The following CNTN6 variants were observed in gnomAD, a reference collection of about 807,000 sequenced individuals.
CNTN6 encodes contactin-6.
In CNTN6, 137 loss-of-function variants were observed where a neutral mutation model predicts 122.8. The observed-to-expected ratio is 1.12, with a 90% confidence interval of 0.97 to 1.29. The LOEUF (loss-of-function observed/expected upper bound fraction) is 1.29, where lower values mean the gene tolerates loss of function less well. CNTN6 is among the 50% of genes most tolerant of loss of function. The pLI is 0.00. For missense variants in CNTN6, 1,634 were observed against 1,223.4 expected (o/e 1.34, Z -5.01); for synonymous variants, 570 against 426.0 (o/e 1.34, Z -4.16).
At chr3:1,287,654 G>C (rs1694578295) in intron 5 of CNTN6, among the ~76,000 whole-genome samples, 1 of 151,416 alleles carries the variant, frequency 6.6e-6, no homozygotes, top group African/African-American at 2.5e-5. Flanking sequence ...AAAGAAGCCA[G>C]CCAAAACCCA....
rs374764472 is a variant in CNTN6, at chr3:1,117,163, A to G, written c.-83+24043A>G. Among the ~76,000 whole-genome samples, 200 of 152,286 alleles carry G rather than the reference A, an allele frequency of 1.3e-3. 5 individuals are homozygous for G. The South Asian group carries it at 0.028, about 21-fold the overall frequency. ...GATTTATATTGCCTTTGTTGTTCTC[A>G]GGTTTATTTGGCTTCTTAAACACAC... On this transcript the variant is annotated intron_variant, in intron 1 of 22. Transcript: ENST00000446702.
At chr3:1,220,265 G>T (rs1260634345) in intron 2 of CNTN6, among the ~76,000 whole-genome samples, 1 of 152,136 alleles carries the variant, frequency 6.6e-6, no homozygotes, top group African/African-American at 2.4e-5. Flanking sequence ...GAGCCCAGGA[G>T]TTAGAGGCTT....
At chr3:1,304,049 C>G (rs1414998978) in intron 7 of CNTN6, among the ~76,000 whole-genome samples, 1 of 152,186 alleles carries the variant, frequency 6.6e-6, no homozygotes, top group South Asian at 2.1e-4. Context: ...TAATGCCATT[C>G]TTTCTAACAC....
chr3:1,283,447 G>A (rs950381253), intron 5 of CNTN6, among the ~76,000 whole-genome samples: 1 of 152,108 alleles, frequency 6.6e-6, no homozygotes, highest in Non-Finnish European at 1.5e-5. Context: ...CAACAGAGCT[G>A]AAGGCAGAAT....
intron 7 of CNTN6, among the ~76,000 whole-genome samples, chr3:1,319,482 T>G (rs1018246930): frequency 6.6e-6 from 1 of 151,688 alleles, no homozygotes; most frequent in Non-Finnish European, 1.5e-5. Context: ...TTATTACAAT[T>G]ATCATAATTG....
chr3:1,374,125 C>T, intron 16 of CNTN6, 52 bp downstream of exon 16: 1 of 1,517,228 alleles, frequency 6.6e-7, no homozygotes, highest in Non-Finnish European at 8.9e-7. Flanking sequence ...TGATACAGTT[C>T]TTAAAACAAA....
intron 7 of CNTN6, among the ~76,000 whole-genome samples, chr3:1,302,116 T>C (rs1697535890): frequency 6.6e-6 from 1 of 152,188 alleles, no homozygotes; most frequent in African/African-American, 2.4e-5. Flanking sequence ...AAACGTCTTA[T>C]CTTCAAAATT....
At chr3:1,166,400 A>G (rs142089796) in intron 2 of CNTN6, among the ~76,000 whole-genome samples, 1 of 152,170 alleles carries the variant, frequency 6.6e-6, no homozygotes, top group African/African-American at 2.4e-5. Flanking sequence ...GCCAAACACA[A>G]GGCAATTTCT....
chr3:1,262,654 A>C (rs1012248729), intron 4 of CNTN6, among the ~76,000 whole-genome samples: 4 of 152,182 alleles, frequency 2.6e-5, no homozygotes, highest in African/African-American at 7.2e-5. Context: ...TTGGTCGTTT[A>C]GGCCTTATGG....
At chr3:1,212,539 A>T (rs2094060489) in intron 2 of CNTN6, among the ~76,000 whole-genome samples, 1 of 151,586 alleles carries the variant, frequency 6.6e-6, no homozygotes, top group Non-Finnish European at 1.5e-5. Context: ...ATATATACAC[A>T]CACACATATA....
intron 4 of CNTN6, among the ~76,000 whole-genome samples, chr3:1,266,216 C>A (rs76180124): frequency 6.6e-6 from 1 of 152,042 alleles, no homozygotes; most frequent in Non-Finnish European, 1.5e-5. Context: ...TTTATCTAAA[C>A]CATAATGCAT....
Position 1,383,504 on chromosome 3 carries a change from CAT to C in CNTN6, c.2517+99_2517+100del. 3.3e-6 allele frequency: 3 copies of C among 903,156 alleles called. No homozygotes were observed. In the South Asian group the frequency reaches 4.4e-5, roughly 13 times the overall value. 55.9% of individuals were successfully genotyped at this position (903,156 alleles called of 1,614,324 possible). On this transcript the variant is annotated intron_variant, in intron 19 of 22. Coordinates refer to ENST00000446702, the MANE Select transcript of CNTN6 (RefSeq NM_001289080.2). ...TCCTATCCTACTAGCCTGTTGTTAG[CAT>C]ATGATAATGTGTGTCTAAAGCTAAA...
intron 1 of CNTN6, among the ~76,000 whole-genome samples, chr3:1,142,242 A>G (rs976998451): frequency 6.6e-6 from 1 of 151,630 alleles, no homozygotes; most frequent in Non-Finnish European, 1.5e-5. Context: ...GATTATTCTG[A>G]ACCAAACAAA....
intron 4 of CNTN6, among the ~76,000 whole-genome samples, chr3:1,248,020 C>A (rs9883961): frequency 0.68 from 103,451 of 151,920 alleles, 36,424 homozygotes; most frequent in East Asian, 0.91. Context: ...AGTGAATCTA[C>A]TGCTTATTTT....
chr3:1,300,444 C>A (rs1697014981), intron 7 of CNTN6, among the ~76,000 whole-genome samples: 1 of 112,748 alleles, frequency 8.9e-6, no homozygotes, highest in African/African-American at 3.3e-5. Context: ...CAATTAGGGT[C>A]AGTTCAGGAA....
At chr3:1,156,043 C>G (rs1197642601) in intron 2 of CNTN6, among the ~76,000 whole-genome samples, 1 of 152,198 alleles carries the variant, frequency 6.6e-6, no homozygotes, top group African/African-American at 2.4e-5. Context: ...CCAATTAATT[C>G]AATTCTACCT....
chr3:1,222,550 T>C (rs937048621), intron 3 of CNTN6, among the ~76,000 whole-genome samples: 14 of 136,026 alleles, frequency 1.0e-4, no homozygotes, highest in Admixed American at 2.9e-4. Flanking sequence ...GATAATTTGC[T>C]AATTAGTTTT....
chr3:1,343,991 G>A (rs1559878662), intron 11 of CNTN6, among the ~76,000 whole-genome samples: 3 of 152,096 alleles, frequency 2.0e-5, no homozygotes, highest in African/African-American at 4.8e-5. Context: ...AAAAGTACAA[G>A]ACAGTAAAAT....
At chr3:1,300,337 G>A (rs566468343) in intron 7 of CNTN6, among the ~76,000 whole-genome samples, 1 of 151,940 alleles carries the variant, frequency 6.6e-6, no homozygotes, top group Non-Finnish European at 1.5e-5. Flanking sequence ...GCCCAAGGGA[G>A]AGTAGGTGTC....
Sources: gnomAD v4.1 joint callset for allele counts (sites outside exome capture counted in the v4.1 genomes callset) on GRCh38, gnomAD v4.1.1 for gene constraint, MANE v1.5 for transcripts, NCBI Gene and HGNC (gene_info 2026-07-23, HGNC 2026-07-21) for gene names.